ZBTB20: variants seen among roughly 807,000 people sequenced by gnomAD.
ZBTB20 encodes zinc finger and BTB domain containing 20, also known as zinc finger and BTB domain-containing protein 20.
Under a neutral mutation model 56.9 loss-of-function variants are expected in ZBTB20, and 9 were observed. The ratio of observed to expected loss-of-function variants is 0.16; its 90% CI spans 0.10 to 0.28. The LOEUF (loss-of-function observed/expected upper bound fraction) is 0.28, where lower values mean the gene tolerates loss of function less well. ZBTB20 is among the 10% of genes least tolerant of loss of function. ZBTB20 has a pLI of 1.00. For missense variants in ZBTB20, 655 were observed against 1,003.0 expected, an observed-to-expected ratio of 0.65 and a Z score of 4.69; for synonymous variants, 417 against 420.7, an observed-to-expected ratio of 0.99 and a Z score of 0.11.
intron 4 of ZBTB20, among the ~76,000 whole-genome samples, chr3:114,809,445 T>C (rs960863503): frequency 2.0e-5 from 3 of 152,142 alleles, no homozygotes; most frequent in African/African-American, 7.2e-5. Context: ...ATCTTAAATA[T>C]TCTGTTGAGA....
At chr3:114,372,978 G>A (rs1310824834) in intron 10 of ZBTB20, among the ~76,000 whole-genome samples, 1 of 152,028 alleles carries the variant, frequency 6.6e-6, no homozygotes, top group Non-Finnish European at 1.5e-5. Flanking sequence ...GTGCAGTGGT[G>A]CAATCTCGGC....
At chr3:114,937,810 G>A (rs954859949) in intron 3 of ZBTB20, among the ~76,000 whole-genome samples, 1 of 151,962 alleles carries the variant, frequency 6.6e-6, no homozygotes, top group Non-Finnish European at 1.5e-5. Flanking sequence ...ATTTGTTTAA[G>A]TTCCTGGCCG....
intron 7 of ZBTB20, among the ~76,000 whole-genome samples, chr3:114,444,624 G>A (rs2091149985): frequency 6.6e-6 from 1 of 152,126 alleles, no homozygotes; most frequent in African/African-American, 2.4e-5. Context: ...CATCTTGAAA[G>A]CATTTTATCT....
chr3:115,069,199 T>C (rs971179805), intron 2 of ZBTB20, among the ~76,000 whole-genome samples: 52 of 152,182 alleles, frequency 3.4e-4, no homozygotes, highest in African/African-American at 1.2e-3. Context: ...CATTTAGGAA[T>C]GGAAGGCATA....
intron 4 of ZBTB20, among the ~76,000 whole-genome samples, chr3:114,817,244 C>T (rs961640190): frequency 2.7e-5 from 4 of 148,338 alleles, no homozygotes; most frequent in African/African-American, 5.1e-5. Context: ...ATAAATTGGG[C>T]GTGGTGGCTT....
At chr3:114,656,638 T>C (rs146144057) in intron 6 of ZBTB20, among the ~76,000 whole-genome samples, 1,771 of 152,308 alleles carry the variant, frequency 0.012, 20 homozygotes, top group Middle Eastern at 0.034. Flanking sequence ...GCCACTTCAA[T>C]GACTCTTCAA....
intron 3 of ZBTB20, among the ~76,000 whole-genome samples, chr3:114,935,323 T>G (rs1202424191): frequency 1.3e-5 from 2 of 152,138 alleles, no homozygotes; most frequent in Non-Finnish European, 2.9e-5. Flanking sequence ...CCATGTTACC[T>G]TTAGGAAGAG....
chr3:114,495,982 C>T (rs2043241407), intron 7 of ZBTB20, among the ~76,000 whole-genome samples: 1 of 152,058 alleles, frequency 6.6e-6, no homozygotes, highest in South Asian at 2.1e-4. Context: ...GTTGGAATCC[C>T]TCTGTCGAAA....
intron 2 of ZBTB20, among the ~76,000 whole-genome samples, chr3:115,009,578 A>C (rs905319876): frequency 5.9e-5 from 9 of 151,952 alleles, no homozygotes; most frequent in Non-Finnish European, 1.0e-4. Context: ...CTAGGTATTT[A>C]CTGTGATTTG....
intron 4 of ZBTB20, among the ~76,000 whole-genome samples, chr3:114,868,515 T>G (rs1194913597): frequency 6.6e-6 from 1 of 152,216 alleles, no homozygotes; most frequent in Non-Finnish European, 1.5e-5. Context: ...TTACCTTCAC[T>G]ACCTACCCAA....
intron 5 of ZBTB20, among the ~76,000 whole-genome samples, chr3:114,748,322 C>CT (rs149305083): frequency 7.1e-4 from 81 of 114,264 alleles, no homozygotes; most frequent in African/African-American, 2.1e-3. Flanking sequence ...TTCTTTCTTT[C>CT]TTTCTTTCTT....
In ZBTB20 at chr3:114,843,432, C is replaced by T. The variant is rs79477658; in HGVS notation, c.-416-42258G>A. Among the ~76,000 whole-genome samples, 289 of 152,256 alleles carry T rather than the reference C, an allele frequency of 1.9e-3. 1 individual carries two copies. Among genetic ancestry groups the T allele is most frequent in the African/African-American group, 6.5e-3 (270 of 41,546 alleles). On this transcript the variant is annotated intron_variant, in intron 4 of 11. Coordinates refer to ENST00000675478, the MANE Select transcript of ZBTB20 (RefSeq NM_001348800.3). ...TAGAGAAAAATCATCTGAAAAATTA[C>T]GCAAATCTGCCCAAGATTTCAAGCC...
chr3:114,510,139 TATCCTA>T (rs1559889152), intron 6 of ZBTB20, among the ~76,000 whole-genome samples: 1 of 152,178 alleles, frequency 6.6e-6, no homozygotes. Flanking sequence ...ATAAGGCTAG[TATCCTA>T]ATTGAGAAAG....
At chr3:114,526,930 C>A (rs937571589) in intron 6 of ZBTB20, among the ~76,000 whole-genome samples, 10 of 152,156 alleles carry the variant, frequency 6.6e-5, no homozygotes, top group African/African-American at 2.4e-4. Context: ...CTTCTCCCCT[C>A]CTCCAGATCT....
chr3:114,667,261 C>T (rs906355086), intron 6 of ZBTB20, among the ~76,000 whole-genome samples: 1 of 151,896 alleles, frequency 6.6e-6, no homozygotes, highest in African/African-American at 2.4e-5. Flanking sequence ...ATAAACAGAG[C>T]ACATCTGTAA....
intron 5 of ZBTB20, among the ~76,000 whole-genome samples, chr3:114,741,409 TAA>T (rs2108594103): frequency 6.6e-6 from 1 of 152,298 alleles, no homozygotes; most frequent in South Asian, 2.1e-4. Context: ...ATTTCTATGT[TAA>T]GAGTGATACA....
chr3:114,842,338 G>A (rs886953423), intron 4 of ZBTB20, among the ~76,000 whole-genome samples: 2 of 152,090 alleles, frequency 1.3e-5, no homozygotes, highest in Non-Finnish European at 2.9e-5. Context: ...GGACAGAAGG[G>A]CTAACCTGAG....
At chr3:114,735,961 TTAAGTA>T (rs1181916341) in intron 5 of ZBTB20, among the ~76,000 whole-genome samples, 7 of 152,184 alleles carry the variant, frequency 4.6e-5, no homozygotes, top group Non-Finnish European at 8.8e-5. Flanking sequence ...TTTATAACAC[TTAAGTA>T]TAAGTCAAGA....
intron 4 of ZBTB20, among the ~76,000 whole-genome samples, chr3:114,886,397 C>T (rs602164): frequency 0.87 from 131,773 of 152,204 alleles, 58,075 homozygotes; most frequent in East Asian, 0.99. Flanking sequence ...AGAAATTAGA[C>T]GGATTGTGAT....
Sources: allele counts gnomAD v4.1 joint callset (sites outside exome capture counted in the v4.1 genomes callset), GRCh38; gene constraint gnomAD v4.1.1; transcripts MANE v1.5; gene names NCBI Gene and HGNC (gene_info 2026-07-23, HGNC 2026-07-21).